NTRK3: variants seen among roughly 807,000 people sequenced by gnomAD.
The protein encoded by NTRK3 is neurotrophic receptor tyrosine kinase 3, also known as NT-3 growth factor receptor.
A neutral mutation model predicts 91.7 loss-of-function variants in NTRK3; 24 were observed. The ratio of observed to expected loss-of-function variants is 0.26; its 90% confidence interval spans 0.19 to 0.37. The LOEUF is 0.37. NTRK3 is among the 10% of genes least tolerant of loss of function. The pLI is 1.00. For synonymous variants in NTRK3, 483 were observed against 404.0 expected (o/e 1.20, Z -2.34); for missense variants, 880 against 1,068.9 (o/e 0.82, Z 2.46).
chr15:88,051,109 A>G (rs1439452414), intron 13 of NTRK3, among the ~76,000 whole-genome samples: 1 of 152,164 alleles, frequency 6.6e-6, no homozygotes, highest in African/African-American at 2.4e-5. Flanking sequence ...CCTACCAGCA[A>G]TTGAGTAAAA....
intron 12 of NTRK3, among the ~76,000 whole-genome samples, chr15:88,126,674 T>C (rs2053321392): frequency 6.6e-6 from 1 of 152,204 alleles, no homozygotes. Context: ...TCTGATTTTG[T>C]TTTAATTAGC....
chr15:87,871,534 C>T, exon 19 of NTRK3: 1 of 230,618 alleles, frequency 4.3e-6, no homozygotes, highest in Non-Finnish European at 8.6e-6. Context: ...ATAGAAATGA[C>T]TCCTGTGTGG....
intron 14 of NTRK3, among the ~76,000 whole-genome samples, chr15:88,011,897 C>T (rs564413777): frequency 1.3e-5 from 2 of 152,300 alleles, no homozygotes; most frequent in Non-Finnish European, 2.9e-5. Context: ...CAGAAGTGAG[C>T]CATTTCTTCC....
chr15:88,163,919 C>T (rs774441830), intron 5 of NTRK3, among the ~76,000 whole-genome samples: 5 of 152,172 alleles, frequency 3.3e-5, no homozygotes, highest in Non-Finnish European at 7.4e-5. Flanking sequence ...TGTCACTTTA[C>T]AGCAGTGAAC....
At chr15:88,110,851 A>G (rs2051264975) in intron 13 of NTRK3, among the ~76,000 whole-genome samples, 1 of 152,066 alleles carries the variant, frequency 6.6e-6, no homozygotes, top group Non-Finnish European at 1.5e-5. Flanking sequence ...CAAAGTCCTG[A>G]GTCTGCTACT....
intron 3 of NTRK3, among the ~76,000 whole-genome samples, chr15:88,221,370 A>C (rs1051010902): frequency 2.0e-5 from 3 of 152,368 alleles, no homozygotes; most frequent in East Asian, 3.9e-4. Flanking sequence ...ACAAATTCAT[A>C]AGAAAAAAAC....
chr15:88,096,657 C>A (rs1416876738), intron 13 of NTRK3, among the ~76,000 whole-genome samples: 1 of 152,176 alleles, frequency 6.6e-6, no homozygotes. Flanking sequence ...ACTGGAACAA[C>A]CCATAACTAA....
chr15:88,058,160 G>C (rs754737435), intron 13 of NTRK3, among the ~76,000 whole-genome samples: 10 of 152,198 alleles, frequency 6.6e-5, no homozygotes, highest in Non-Finnish European at 1.2e-4. Flanking sequence ...AGGGTCAGGA[G>C]CAAGTGTGTA....
At chr15:87,977,969 C>T (rs1172248669) in intron 14 of NTRK3, 9 of 232,950 alleles carry the variant, frequency 3.9e-5, no homozygotes, top group Non-Finnish European at 4.2e-5. Flanking sequence ...AAAACAACCA[C>T]CTTTTTCCCC....
At chr15:88,202,744 C>A (rs940627837) in intron 3 of NTRK3, among the ~76,000 whole-genome samples, 1 of 152,310 alleles carries the variant, frequency 6.6e-6, no homozygotes, top group South Asian at 2.1e-4. Context: ...AGGAGAGCAT[C>A]CACACCTGTG....
chr15:87,870,084 C>A (rs2064784892), exon 19 of NTRK3: 1 of 187,036 alleles, frequency 5.3e-6, no homozygotes, highest in Admixed American at 6.2e-5. Context: ...GATAGAGATA[C>A]TTGCACACAT....
intron 14 of NTRK3, among the ~76,000 whole-genome samples, chr15:88,005,049 C>A (rs1309072970): frequency 5.9e-5 from 9 of 152,168 alleles, no homozygotes; most frequent in East Asian, 1.9e-4. Flanking sequence ...GAAAGTAGAG[C>A]TGGGTTTTAA....
chr15:87,940,696 G>C (rs2142018850), exon 15 of NTRK3: 1 of 1,614,058 alleles, frequency 6.2e-7, no homozygotes, highest in Non-Finnish European at 8.5e-7. Flanking sequence ...CTTTCCAAAG[G>C]CTCCCTCACC....
In NTRK3 at chr15:88,243,079, A is replaced by G. The variant is rs568633303; in HGVS notation, c.248+12827T>C. On this transcript the variant is annotated intron_variant, in intron 3 of 18. Transcript: ENST00000394480. This position sits in a 1 kb window ranked among gnomAD's most constrained non-coding sequence, Gnocchi z 4.8. ...CTTCTTTCCACCCTCTTCCTTCAAC[A>G]CCAGGGACTTTGAGGAGCCCTGAGC... Among the ~76,000 whole-genome samples, 1 of 152,062 alleles carries G rather than the reference A, an allele frequency of 6.6e-6. No homozygotes were observed. The highest frequency in any genetic ancestry group is 2.1e-4 in the South Asian group (1 of 4,810).
intron 10 of NTRK3, among the ~76,000 whole-genome samples, chr15:88,133,408 G>C (rs2041573385): frequency 6.6e-6 from 1 of 152,160 alleles, no homozygotes. Flanking sequence ...GAAGGAGCCA[G>C]AGTGTCTTCT....
chr15:87,963,126 G>C (rs1349868404), intron 14 of NTRK3, among the ~76,000 whole-genome samples: 1 of 152,080 alleles, frequency 6.6e-6, no homozygotes, highest in Non-Finnish European at 1.5e-5. Flanking sequence ...CTGTCCCTCA[G>C]GAGAATCCAC....
chr15:88,029,016 G>T (rs2078289949), intron 14 of NTRK3, among the ~76,000 whole-genome samples: 1 of 152,202 alleles, frequency 6.6e-6, no homozygotes, highest in African/African-American at 2.4e-5. Flanking sequence ...TCTCCCAAGT[G>T]ACCCATCTGG....
intron 15 of NTRK3, among the ~76,000 whole-genome samples, chr15:87,934,637 T>C (rs1044333718): frequency 6.6e-6 from 1 of 152,140 alleles, no homozygotes; most frequent in Admixed American, 6.5e-5. Context: ...CCAGAAATGA[T>C]GGACTTTTAG....
chr15:88,256,079 A>G, exon 3 of NTRK3: 3 of 1,612,260 alleles, frequency 1.9e-6, no homozygotes, highest in Non-Finnish European at 2.5e-6. Context: ...CGGAGCCCAC[A>G]TAGTCCAGCC....
Sources: allele counts gnomAD v4.1 joint callset (sites outside exome capture counted in the v4.1 genomes callset), GRCh38; gene constraint gnomAD v4.1.1; non-coding constraint Gnocchi (gnomAD v3.1); transcripts MANE v1.5; gene names NCBI Gene and HGNC (gene_info 2026-07-23, HGNC 2026-07-21).